KCNT1: variants seen among roughly 807,000 people sequenced by gnomAD.
KCNT1 encodes potassium sodium-activated channel subfamily T member 1.
Under a neutral mutation model 147.8 loss-of-function variants are expected in KCNT1, and 78 were observed. The ratio of observed to expected loss-of-function variants is 0.53; its 90% confidence interval spans 0.44 to 0.64. KCNT1 has a LOEUF of 0.64. Ranked by LOEUF, KCNT1 falls within the 30% of genes least tolerant of loss-of-function variation. The probability of loss-of-function intolerance (pLI) is 0.00; values close to 1 mark genes in which losing one functional copy is unlikely to be tolerated. For missense variants in KCNT1, 1,419 were observed against 1,750.3 expected, an observed-to-expected ratio of 0.81 and a Z score of 3.38; for synonymous variants, 867 against 748.8, an observed-to-expected ratio of 1.16 and a Z score of -2.58.
At chr9:135,753,637 G>C (rs960361645) in intron 4 of KCNT1, 8 of 512,008 alleles carry the variant, frequency 1.6e-5, no homozygotes, top group Non-Finnish European at 2.5e-5. Flanking sequence ...GTTGCTGTTG[G>C]GTTGGGGCTA....
intron 24 of KCNT1, among the ~76,000 whole-genome samples, chr9:135,782,655 C>T (rs1281438865): frequency 2.0e-5 from 3 of 152,182 alleles, no homozygotes; most frequent in Non-Finnish European, 2.9e-5. Flanking sequence ...AAACGTCCAG[C>T]TTTTTCTTTC....
chr9:135,706,998 C>A (rs1052634586), intron 1 of KCNT1, among the ~76,000 whole-genome samples: 1 of 151,638 alleles, frequency 6.6e-6, no homozygotes, highest in Non-Finnish European at 1.5e-5. Context: ...CCCAGACAGG[C>A]CCAAGGCCAG....
At chr9:135,729,986 A>C (rs1332168026) in intron 2 of KCNT1, among the ~76,000 whole-genome samples, 1 of 152,032 alleles carries the variant, frequency 6.6e-6, no homozygotes, top group Non-Finnish European at 1.5e-5. Context: ...GGCCCTTCCC[A>C]AGCCTGTCCT....
In KCNT1 at chr9:135,786,445, G is replaced by T. The variant is rs1236366069; in HGVS notation, c.3426G>T (p.Arg1142=). 1.9e-6 allele frequency: 3 copies of T among 1,597,838 alleles called. No homozygotes were observed. The highest frequency in any genetic ancestry group is 2.6e-6 in the Non-Finnish European group (3 of 1,173,554). Reference sequence around the variant, plus strand: ...GCCAGCAGCGCCTCAGCCTGTACCGGCGCTCTGAGCGCCAGGAGCTCTCCG... The same window carrying T: ...GCCAGCAGCGCCTCAGCCTGTACCGTCGCTCTGAGCGCCAGGAGCTCTCCG... The part of the protein sequence containing the change: ...WISQQRLSLY[R]RSERQELSEL... The change falls in exon 29 of 31, where the codon CGG becomes CGT. Residue 1142 remains arginine (R), a synonymous_variant. Transcript: ENST00000371757.
At chr9:135,709,241 C>A (rs1361973395) in intron 1 of KCNT1, among the ~76,000 whole-genome samples, 3 of 152,152 alleles carry the variant, frequency 2.0e-5, no homozygotes, top group Admixed American at 1.3e-4. Context: ...ATATGCCATT[C>A]TGTTTGTGTA....
At chr9:135,703,889 C>T (rs1477348642) in intron 1 of KCNT1, among the ~76,000 whole-genome samples, 4 of 152,256 alleles carry the variant, frequency 2.6e-5, no homozygotes, top group East Asian at 1.9e-4. Context: ...GACAGCTCCT[C>T]CTCCCCGCTG....
At chr9:135,749,462 G>A (rs1053316869) in intron 2 of KCNT1, among the ~76,000 whole-genome samples, 3 of 152,202 alleles carry the variant, frequency 2.0e-5, no homozygotes, top group African/African-American at 7.2e-5. Context: ...CAGTGGCTGG[G>A]GCCATAGGTG....
Position 135,777,373 on chromosome 9 carries a change from C to T in KCNT1, c.2385C>T (p.Ala795=), listed in dbSNP as rs763954393. 2 of 1,614,068 alleles carry T rather than the reference C, an allele frequency of 1.2e-6. No individual in the cohort carries two copies. The highest frequency in any genetic ancestry group is 4.5e-5 in the East Asian group (2 of 44,882). The change falls in exon 21 of 31, where the codon GCC becomes GCT. Residue 795 remains alanine, a synonymous_variant. Transcript: ENST00000371757. ...ACAACAGCTATGAAGACGCCAAGGC[C>T]TACGGGTTCAAGAACAAGCTGATCA... ...CKHNSYEDAK[A]YGFKNKLIIV...
chr9:135,704,777 T>C (rs1835178940), intron 1 of KCNT1, among the ~76,000 whole-genome samples: 1 of 152,170 alleles, frequency 6.6e-6, no homozygotes, highest in African/African-American at 2.4e-5. Context: ...TGGCCAGCCC[T>C]CCAGGCCCAT....
chr9:135,756,226 G>C (rs1831472273), intron 6 of KCNT1, among the ~76,000 whole-genome samples: 1 of 152,152 alleles, frequency 6.6e-6, no homozygotes, highest in South Asian at 2.1e-4. Context: ...GACCGACCCA[G>C]GCTCTACTGC....
chr9:135,762,822 G>A (rs1025463184), intron 11 of KCNT1, among the ~76,000 whole-genome samples: 1 of 152,246 alleles, frequency 6.6e-6, no homozygotes, highest in South Asian at 2.1e-4. Context: ...CACCTGCACT[G>A]CTCTTCAGGG....
At chr9:135,784,967 C>T in intron 27 of KCNT1, 78 bp downstream of exon 27, 1 of 1,551,288 alleles carries the variant, frequency 6.4e-7, no homozygotes, top group East Asian at 2.3e-5. Flanking sequence ...CTTCCGGGGG[C>T]TGGGACTGTG....
intron 10 of KCNT1, 151 bp downstream of exon 10, chr9:135,758,659 C>T (rs962396761): frequency 3.0e-6 from 2 of 666,644 alleles, no homozygotes; most frequent in African/African-American, 3.6e-5. Flanking sequence ...GGCCACCAAG[C>T]TGGGACTGAG....
intron 18 of KCNT1, among the ~76,000 whole-genome samples, chr9:135,772,294 G>A (rs1183859230): frequency 3.3e-5 from 5 of 152,190 alleles, no homozygotes; most frequent in African/African-American, 4.8e-5. Flanking sequence ...CTGGGGTGGT[G>A]CAGGAGTGGC....
At chr9:135,711,834 A>G (rs1835505393) in intron 1 of KCNT1, among the ~76,000 whole-genome samples, 1 of 152,190 alleles carries the variant, frequency 6.6e-6, no homozygotes, top group Non-Finnish European at 1.5e-5. Context: ...GAGCTCAGCC[A>G]AACTGCTGGC....
chr9:135,753,613 G>A (rs543112240), intron 4 of KCNT1: 3 of 456,512 alleles, frequency 6.6e-6, no homozygotes, highest in East Asian at 7.2e-5. Flanking sequence ...TGTCAGCACA[G>A]GCAGAACCAG....
chr9:135,714,006 C>T lies in KCNT1; in HGVS notation c.111-571C>T. Among the ~76,000 whole-genome samples the T allele has an allele frequency of 6.6e-6, 1 of 152,138 alleles. No individual in the cohort carries two copies. Among genetic ancestry groups the T allele is most frequent in the Admixed American group, 6.5e-5 (1 of 15,278 alleles). On this transcript the variant is annotated intron_variant, in intron 1 of 30. Transcript: ENST00000371757. This position sits in a 1 kb window ranked among gnomAD's most constrained non-coding sequence, Gnocchi z 6.2. ...GGGTTCTGACCTGAGCTGAGCTGCT[C>T]CGCCTGGGGAGGCTGCAAACAAGGG...
intron 2 of KCNT1, among the ~76,000 whole-genome samples, chr9:135,722,987 A>G (rs1413820874): frequency 1.3e-5 from 2 of 152,226 alleles, no homozygotes; most frequent in Non-Finnish European, 2.9e-5. Context: ...TTGCCCCTTC[A>G]TTTCAAATTC....
intron 2 of KCNT1, among the ~76,000 whole-genome samples, chr9:135,739,814 G>T (rs919772789): frequency 6.6e-6 from 1 of 152,202 alleles, no homozygotes; most frequent in Admixed American, 6.5e-5. Context: ...TGGGCGGCTG[G>T]TTTATCCTTG....
Sources: allele counts gnomAD v4.1 joint callset (sites outside exome capture counted in the v4.1 genomes callset), GRCh38; gene constraint gnomAD v4.1.1; non-coding constraint Gnocchi (gnomAD v3.1); transcripts MANE v1.5; gene names NCBI Gene and HGNC (gene_info 2026-07-23, HGNC 2026-07-21).